The following USP37 variants were observed in gnomAD, a reference collection of about 807,000 sequenced individuals.
USP37 encodes ubiquitin specific peptidase 37, also known as ubiquitin carboxyl-terminal hydrolase 37.
Under a neutral mutation model 124.0 loss-of-function variants are expected in USP37, and 27 were observed. The observed-to-expected ratio is 0.22, with a 90% CI of 0.16 to 0.30. The LOEUF (loss-of-function observed/expected upper bound fraction) is 0.30. USP37 is among the 10% of genes least tolerant of loss of function. The probability of loss-of-function intolerance (pLI) is 1.00; values close to 1 mark genes in which losing one functional copy is unlikely to be tolerated. For synonymous variants in USP37, 365 were observed against 388.0 expected (o/e 0.94, Z 0.70); for missense variants, 889 against 1,140.4 (o/e 0.78, Z 3.17).
At chr2:218,506,218 G>A (rs1689669167) in intron 11 of USP37, among the ~76,000 whole-genome samples, 1 of 151,162 alleles carries the variant, frequency 6.6e-6, no homozygotes, top group Non-Finnish European at 1.5e-5. Flanking sequence ...TCTTCTTCCG[G>A]GACACTAATT....
chr2:218,497,398 T>C (rs1305629214), intron 13 of USP37, among the ~76,000 whole-genome samples: 1 of 151,656 alleles, frequency 6.6e-6, no homozygotes, highest in Non-Finnish European at 1.5e-5. Context: ...TAAATATTTA[T>C]TTATTTATTT....
At position 218,495,677 on chromosome 2, in the gene USP37, T is replaced by C. The variant is rs918641862; in HGVS notation, c.1472+83A>G. The C allele has an allele frequency of 3.5e-5, 50 of 1,417,804 alleles. No homozygotes were observed. The East Asian group carries it at 1.0e-3, about 29-fold the overall frequency. The allele number at this position is 1,417,804 out of a possible 1,614,324, so 87.8% of individuals were successfully genotyped here. A position where few individuals can be genotyped will look rare whatever the true frequency, so the allele number is the denominator to read the frequency against. ...TGTCTTAAAAACAGAAAAGAATTCATGGCATTTGGTATGTCATAGAAGAAT... is the reference window on the plus strand; with the variant it reads ...TGTCTTAAAAACAGAAAAGAATTCACGGCATTTGGTATGTCATAGAAGAAT... On this transcript the variant is annotated intron_variant, in intron 14 of 25. Coordinates refer to ENST00000258399, the MANE Select transcript of USP37 (RefSeq NM_020935.3).
intron 16 of USP37, among the ~76,000 whole-genome samples, chr2:218,483,659 C>T (rs1275787633): frequency 2.0e-5 from 3 of 150,254 alleles, no homozygotes; most frequent in Non-Finnish European, 4.4e-5. Flanking sequence ...CATTTTTTTC[C>T]CCCCACTTGA....
intron 10 of USP37, among the ~76,000 whole-genome samples, chr2:218,520,931 A>C (rs936208775): frequency 2.6e-5 from 4 of 152,098 alleles, no homozygotes; most frequent in African/African-American, 9.7e-5. Context: ...GGCTTGGTGG[A>C]AGGTGATTGG....
At chr2:218,538,257 T>G (rs1342876305) in intron 8 of USP37, among the ~76,000 whole-genome samples, 1 of 152,158 alleles carries the variant, frequency 6.6e-6, no homozygotes, top group Non-Finnish European at 1.5e-5. Flanking sequence ...TGTGCAGAGC[T>G]TGGAGGGATG....
At chr2:218,485,510 A>T (rs1274360117) in intron 16 of USP37, among the ~76,000 whole-genome samples, 154 bp downstream of exon 16, 2 of 152,006 alleles carry the variant, frequency 1.3e-5, no homozygotes, top group East Asian at 3.9e-4. Context: ...TGCACATTTC[A>T]GCTTTCCTGA....
At chr2:218,544,422 TATATATATAGAGAGAGAGAGAGAG>T (rs1692196093) in intron 8 of USP37, among the ~76,000 whole-genome samples, 1 of 56,334 alleles carries the variant, frequency 1.8e-5, no homozygotes, top group Admixed American at 2.1e-4. Context: ...TATATATATA[TATATATATAGAGAGAGAGAGAGAG>T]AGAGAGAGAG....
At chr2:218,489,245 C>T (rs1289638670) in intron 14 of USP37, among the ~76,000 whole-genome samples, 1 of 150,636 alleles carries the variant, frequency 6.6e-6, no homozygotes, top group Non-Finnish European at 1.5e-5. Flanking sequence ...GTAATCCCAG[C>T]TACTTGGGAG....
In USP37 at chr2:218,558,676, G is replaced by A; in HGVS notation, c.-23C>T. 1 of 1,575,906 alleles carries A rather than the reference G, an allele frequency of 6.3e-7. No individual in the cohort carries two copies. The highest frequency in any genetic ancestry group is 8.6e-7 in the Non-Finnish European group (1 of 1,162,510). On this transcript the variant is annotated splice_region_variant and 5_prime_UTR_variant, in exon 4 of 26. Transcript: ENST00000258399. Reference sequence around the variant, plus strand: ...CATATTTTCTTTAAAAATTGCTTCTGGCTAAATTAAAAAGCAAAAATATAC... The same window carrying A: ...CATATTTTCTTTAAAAATTGCTTCTAGCTAAATTAAAAAGCAAAAATATAC...
At chr2:218,510,730 C>T (rs755141671) in intron 10 of USP37, among the ~76,000 whole-genome samples, 86 of 152,174 alleles carry the variant, frequency 5.7e-4, no homozygotes, top group Admixed American at 1.4e-3. Flanking sequence ...CGGTGGCTCA[C>T]GCCTGTAAGC....
In USP37 at chr2:218,556,461, T is replaced by C. The variant is rs1365556477; in HGVS notation, c.156+2037A>G. Among the ~76,000 whole-genome samples, 4 of 151,990 alleles carry C rather than the reference T, an allele frequency of 2.6e-5. No individual in the cohort carries two copies. The East Asian group carries it at 7.7e-4, about 29-fold the overall frequency. ...GTGTTACCTCAGGATCTTTGTAATGTTTTTACAGCTAAAAATGTATTTGGT... is the reference window on the plus strand; with the variant it reads ...GTGTTACCTCAGGATCTTTGTAATGCTTTTACAGCTAAAAATGTATTTGGT... On this transcript the variant is annotated intron_variant, in intron 4 of 25. Coordinates refer to ENST00000258399, the MANE Select transcript of USP37 (RefSeq NM_020935.3).
At chr2:218,549,170 A>G (rs1257495844) in intron 6 of USP37, among the ~76,000 whole-genome samples, 1 of 152,198 alleles carries the variant, frequency 6.6e-6, no homozygotes, top group Non-Finnish European at 1.5e-5. Flanking sequence ...TGTAAGTCAA[A>G]ATATATCAAA....
chr2:218,459,140 T>G (rs1689866981), intron 23 of USP37, among the ~76,000 whole-genome samples: 1 of 151,746 alleles, frequency 6.6e-6, no homozygotes, highest in Non-Finnish European at 1.5e-5. Flanking sequence ...TAGTTTTCAG[T>G]GAGGAACAAC....
intron 16 of USP37, 57 bp downstream of exon 16, chr2:218,485,607 A>G (rs1347983239): frequency 8.7e-6 from 13 of 1,498,928 alleles, no homozygotes; most frequent in Non-Finnish European, 1.2e-5. Flanking sequence ...AAGCAATTAA[A>G]TGTACCTGGG....
intron 4 of USP37, among the ~76,000 whole-genome samples, chr2:218,557,930 C>CAAAAAAAAAAAAAAAAAAAAAAAAA (rs61488353): frequency 1.7e-4 from 6 of 35,666 alleles, no homozygotes; most frequent in African/African-American, 3.3e-4. Context: ...GACTCTGTCT[C>CAAAAAAAAAAAAAAAAAAAAAAAAA]AAAAAAAAAA....
intron 17 of USP37, among the ~76,000 whole-genome samples, chr2:218,481,289 T>C (rs1337474416): frequency 2.6e-5 from 4 of 152,234 alleles, no homozygotes; most frequent in East Asian, 1.9e-4. Context: ...AATATATGCA[T>C]GAAGGCATAA....
At chr2:218,560,358 C>A (rs1473718636) in intron 3 of USP37, among the ~76,000 whole-genome samples, 2 of 152,188 alleles carry the variant, frequency 1.3e-5, no homozygotes, top group Non-Finnish European at 2.9e-5. Context: ...CTATCACTTA[C>A]TAATTTGTAA....
chr2:218,493,020 T>A (rs188764949), intron 14 of USP37, among the ~76,000 whole-genome samples: 3,830 of 148,746 alleles, frequency 0.026, 69 homozygotes, highest in East Asian at 0.075. Context: ...AAAAAAAAAA[T>A]TTTTTTCCCT....
chr2:218,468,421 C>T (rs1000521175), intron 20 of USP37, among the ~76,000 whole-genome samples: 9 of 151,774 alleles, frequency 5.9e-5, no homozygotes, highest in Non-Finnish European at 1.2e-4. Context: ...CGGGGTTTCA[C>T]CATGTTGGTC....
Sources: allele counts gnomAD v4.1 joint callset (sites outside exome capture counted in the v4.1 genomes callset), GRCh38; gene constraint gnomAD v4.1.1; transcripts MANE v1.5; gene names NCBI Gene and HGNC (gene_info 2026-07-23, HGNC 2026-07-21).